Variants in ZBTB1 observed in about 807,000 individuals in gnomAD.
The protein encoded by ZBTB1 is zinc finger and BTB domain-containing protein 1.
Under a neutral mutation model 51.6 loss-of-function variants are expected in ZBTB1, and 13 were observed. The ratio of observed to expected loss-of-function variants is 0.25; its 90% CI spans 0.16 to 0.40. The LOEUF is 0.40. Ranked by LOEUF, ZBTB1 falls within the 10% of genes least tolerant of loss-of-function variation. The pLI is 1.00. For synonymous variants in ZBTB1, 240 were observed against 282.2 expected, an observed-to-expected ratio of 0.85 and a Z score of 1.50; for missense variants, 567 against 856.5, an observed-to-expected ratio of 0.66 and a Z score of 4.22.
chr14:64,504,832 G>A lies in ZBTB1; in HGVS notation c.-133G>A, dbSNP rs913042776. 83 of 391,982 alleles carry A rather than the reference G, an allele frequency of 2.1e-4. 1 individual carries two copies. In the East Asian group the frequency reaches 2.9e-3, roughly 14 times the overall value. The allele number at this position is 391,982 out of a possible 1,614,324, so 24.3% of individuals were successfully genotyped here. On this transcript the variant is annotated 5_prime_UTR_variant, in exon 1 of 2. Coordinates refer to ENST00000683701, the MANE Select transcript of ZBTB1 (RefSeq NM_001123329.2). ...GCGCAGCCCAGCCCGAGCGCCGAGC[G>A]CCGCGCGCCGCCGCCACTGCAGCTC...
intron 1 of ZBTB1, among the ~76,000 whole-genome samples, chr14:64,507,665 T>A (rs1256415410): frequency 6.6e-6 from 1 of 152,196 alleles, no homozygotes; most frequent in Non-Finnish European, 1.5e-5. Flanking sequence ...TTGGGCTGAT[T>A]TAAAATTATT....
intron 1 of ZBTB1, among the ~76,000 whole-genome samples, chr14:64,512,377 G>T (rs1158265868): frequency 1.3e-5 from 2 of 152,154 alleles, no homozygotes; most frequent in African/African-American, 2.4e-5. Context: ...GAAAACAAAG[G>T]CCATTAAGCC....
intron 1 of ZBTB1, among the ~76,000 whole-genome samples, chr14:64,517,771 ATATATATATATT>A (rs2079803557): frequency 1.5e-5 from 1 of 66,452 alleles, no homozygotes; most frequent in Non-Finnish European, 3.0e-5. Context: ...ATATATATAT[ATATATATATATT>A]TTTTTTTTTT....
upstream of ZBTB1, chr14:64,504,089 A>C (rs2079592052): frequency 6.6e-6 from 1 of 152,024 alleles, no homozygotes; most frequent in African/African-American, 2.4e-5. Flanking sequence ...TTCTGGGGTG[A>C]AGGTGGGGGT....
rs560239482 is a variant in ZBTB1, at chr14:64,523,660, G to C, written c.*14G>C. 1.4e-4 allele frequency: 212 copies of C among 1,534,290 alleles called. 1 individual carries two copies. In the East Asian group the frequency reaches 4.6e-3, roughly 33 times the overall value. ...AAAAGAACCTGAGTGATTTTCTACTGTACTAATGTTTAGATGATAGCAGAT... is the reference window on the plus strand; with the variant it reads ...AAAAGAACCTGAGTGATTTTCTACTCTACTAATGTTTAGATGATAGCAGAT... On this transcript the variant is annotated 3_prime_UTR_variant, in exon 2 of 2. Coordinates refer to ENST00000683701, the MANE Select transcript of ZBTB1 (RefSeq NM_001123329.2). The surrounding 1 kb of genome is among the most constrained non-coding windows in gnomAD (Gnocchi z 4.5).
At position 64,524,144 on chromosome 14, in the gene ZBTB1, C is replaced by A. The variant is rs1257592473; in HGVS notation, c.*498C>A. ...CCCCCTTATTAATGAAATTCATATT[C>A]TTAAATTGACAAGCTTATTAGGCAA... On this transcript the variant is annotated 3_prime_UTR_variant, in exon 2 of 2. Coordinates refer to ENST00000683701, the MANE Select transcript of ZBTB1 (RefSeq NM_001123329.2). 1.0e-6 allele frequency: 1 copy of A among 984,924 alleles called. No individual in the cohort carries two copies. Among genetic ancestry groups the A allele is most frequent in the Non-Finnish European group, 1.2e-6 (1 of 829,734 alleles). The allele number at this position is 984,924 out of a possible 1,614,324, so 61.0% of individuals were successfully genotyped here.
chr14:64,515,253 C>T (rs1027475142), intron 1 of ZBTB1, among the ~76,000 whole-genome samples: 2 of 152,122 alleles, frequency 1.3e-5, no homozygotes, highest in Non-Finnish European at 2.9e-5. Flanking sequence ...GACCTGAGCC[C>T]TTGACTTCTA....
chr14:64,523,397 G>A lies in ZBTB1; in HGVS notation c.1893G>A (p.Met631Ile). The A allele has an allele frequency of 6.2e-7, 1 of 1,614,190 alleles. No individual in the cohort carries two copies. The highest frequency in any genetic ancestry group is 8.5e-7 in the Non-Finnish European group (1 of 1,180,024). ...TGCACAATGATATGCACAAAGGCATGGCCAGGTATGTCTGTTCCATTTGTG... is the reference window on the plus strand; with the variant it reads ...TGCACAATGATATGCACAAAGGCATAGCCAGGTATGTCTGTTCCATTTGTG... ...LRLHNDMHKGMARYVCSICDQ... is the reference protein window; with the variant it reads ...LRLHNDMHKGIARYVCSICDQ... The change falls in exon 2 of 2, where the codon ATG (methionine) becomes ATA (isoleucine). Residue 631 changes from methionine (M) to isoleucine (I), a missense_variant. Physicochemically the swap from Met to Ile is conservative, Grantham distance 10 (BLOSUM62 1). Coordinates refer to ENST00000683701, the MANE Select transcript of ZBTB1 (RefSeq NM_001123329.2). This position sits in a 1 kb window ranked among gnomAD's most constrained non-coding sequence, Gnocchi z 4.5.
intron 1 of ZBTB1, among the ~76,000 whole-genome samples, chr14:64,509,602 T>G (rs1441256454): frequency 6.6e-6 from 1 of 152,212 alleles, no homozygotes; most frequent in Non-Finnish European, 1.5e-5. Flanking sequence ...ATGATTGTGA[T>G]GTTTTCAGGA....
At chr14:64,505,190 G>A (rs2079627485) in intron 1 of ZBTB1, 1 of 323,612 alleles carries the variant, frequency 3.1e-6, no homozygotes, top group South Asian at 1.6e-4. Flanking sequence ...ACGGAGACTA[G>A]TTCCCAAATT....
At chr14:64,511,100 A>C (rs1406070555) in intron 1 of ZBTB1, 1 of 152,228 alleles carries the variant, frequency 6.6e-6, no homozygotes, top group Non-Finnish European at 1.5e-5. Context: ...GGCATTTTTA[A>C]GTGGGTTCCA....
rs762645012 is a variant in ZBTB1 at position 64,522,854 on chromosome 14, T to C, written c.1350T>C (p.Cys450=). The change falls in exon 2 of 2, where the codon TGT becomes TGC. Residue 450 remains cysteine (C), a synonymous_variant. Coordinates refer to ENST00000683701, the MANE Select transcript of ZBTB1 (RefSeq NM_001123329.2). ...LAKHIENICA[C]GKCGQILVKG... ...AACACATTGAAAATATCTGTGCATG[T>C]GGTAAATGTGGACAAATACTTGTAA... 1 of 1,614,146 alleles carries C rather than the reference T, an allele frequency of 6.2e-7. No individual in the cohort carries two copies. The highest frequency in any genetic ancestry group is 8.5e-7 in the Non-Finnish European group (1 of 1,180,022).
rs760335904 is a variant in ZBTB1, at chr14:64,523,224, C to A, written c.1720C>A (p.His574Asn). The A allele has an allele frequency of 1.9e-6, 3 of 1,613,998 alleles. No homozygotes were observed. The highest frequency in any genetic ancestry group is 1.3e-5 in the African/African-American group (1 of 74,896). Residue 574 changes from histidine to asparagine, a missense_variant, in exon 2 of 2, where the codon CAC (histidine) becomes AAC (asparagine). Physicochemically the swap from His to Asn is moderately conservative, Grantham distance 68. Coordinates refer to ENST00000683701, the MANE Select transcript of ZBTB1 (RefSeq NM_001123329.2). The surrounding 1 kb of genome is among the most constrained non-coding windows in gnomAD (Gnocchi z 4.5). The stretch of plus-strand genomic sequence containing the variant: ...CATCATGGAAGAAAATGAAAGAGAT[C>A]ACAGACGAAAGCATTTTTGTAATCT... Reference protein sequence around the residue: ...SAIMEENERDHRRKHFCNLCG... With the variant: ...SAIMEENERDNRRKHFCNLCG...
At chr14:64,512,100 A>AT (rs1306801200) in intron 1 of ZBTB1, among the ~76,000 whole-genome samples, 5 of 152,100 alleles carry the variant, frequency 3.3e-5, no homozygotes, top group Admixed American at 6.5e-5. Flanking sequence ...TATGACATTA[A>AT]TTTTTTTTAA....
At chr14:64,514,791 G>A (rs527469662) in intron 1 of ZBTB1, among the ~76,000 whole-genome samples, 2 of 152,100 alleles carry the variant, frequency 1.3e-5, no homozygotes, top group East Asian at 1.9e-4. Context: ...TGTTCTTTCC[G>A]GAAGACCATA....
At chr14:64,527,172 T>C (rs1401246081), downstream of ZBTB1, among the ~76,000 whole-genome samples, 1 of 148,620 alleles carries the variant, frequency 6.7e-6, no homozygotes, top group Admixed American at 6.7e-5. Flanking sequence ...AAAAAAAAAG[T>C]TTGCTAGAGC....
chr14:64,519,429 C>T lies in ZBTB1; in HGVS notation c.-18-2058C>T, dbSNP rs541429838. 1.1e-3 allele frequency among the ~76,000 whole-genome samples: 170 copies of T among 148,988 alleles called. 1 individual carries two copies. Among genetic ancestry groups the T allele is most frequent in the Non-Finnish European group, 2.0e-3 (138 of 67,420 alleles). ...CTGGGATTACAGGCATGAGCCACCG[C>T]GCTCAGCCTTACTTTTTTCTTTTAA... On this transcript the variant is annotated intron_variant, in intron 1 of 1. Coordinates refer to ENST00000683701, the MANE Select transcript of ZBTB1 (RefSeq NM_001123329.2).
chr14:64,523,161 A>G lies in ZBTB1; in HGVS notation c.1657A>G (p.Met553Val). 6.2e-7 allele frequency: 1 copy of G among 1,614,192 alleles called. No homozygotes were observed. The highest frequency in any genetic ancestry group is 1.3e-5 in the African/African-American group (1 of 75,054). Residue 553 changes from methionine to valine, a missense_variant, in exon 2 of 2, where the codon ATG becomes GTG. Coordinates refer to ENST00000683701, the MANE Select transcript of ZBTB1 (RefSeq NM_001123329.2). This position sits in a 1 kb window ranked among gnomAD's most constrained non-coding sequence, Gnocchi z 4.5. ...FETENLVVEH[M>V]SSCLDQDMFK... The stretch of plus-strand genomic sequence containing the variant: ...AACTGAAAATCTAGTGGTTGAACAT[A>G]TGTCTAGCTGCTTAGATCAAGATAT...
chr14:64,508,614 G>A (rs1452092047), intron 1 of ZBTB1, among the ~76,000 whole-genome samples: 6 of 152,166 alleles, frequency 3.9e-5, no homozygotes, highest in Non-Finnish European at 8.8e-5. Context: ...AAGATAAGCA[G>A]TTTTGGGGAA....
Sources: allele counts gnomAD v4.1 joint callset (sites outside exome capture counted in the v4.1 genomes callset), GRCh38; gene constraint gnomAD v4.1.1; non-coding constraint Gnocchi (gnomAD v3.1); transcripts MANE v1.5; gene names NCBI Gene and HGNC (gene_info 2026-07-23, HGNC 2026-07-21).